CPNE4: variants seen among roughly 807,000 people sequenced by gnomAD.
CPNE4 encodes copine 4.
A neutral mutation model predicts 67.9 loss-of-function variants in CPNE4; 25 were observed. The observed-to-expected ratio is 0.37, with a 90% confidence interval of 0.27 to 0.51. The LOEUF (loss-of-function observed/expected upper bound fraction) is 0.51. CPNE4 is among the 20% of genes least tolerant of loss of function. The probability of loss-of-function intolerance (pLI) is 0.93; values close to 1 mark genes in which losing one functional copy is unlikely to be tolerated. For missense variants in CPNE4, 464 were observed against 690.8 expected (o/e 0.67, Z 3.68); for synonymous variants, 242 against 244.9 (o/e 0.99, Z 0.11).
chr3:131,676,517 C>T (rs2080572305), intron 6 of CPNE4, among the ~76,000 whole-genome samples: 1 of 152,044 alleles, frequency 6.6e-6, no homozygotes, highest in South Asian at 2.1e-4. Context: ...ATTTTTCCTA[C>T]TTCTCTCCCT....
At chr3:131,910,235 A>G (rs976516724) in intron 1 of CPNE4, among the ~76,000 whole-genome samples, 2 of 152,142 alleles carry the variant, frequency 1.3e-5, no homozygotes, top group African/African-American at 4.8e-5. Context: ...GTTCTGGGGA[A>G]GGGGGGAGAA....
chr3:131,727,623 A>T (rs1256404134), intron 2 of CPNE4, among the ~76,000 whole-genome samples: 1 of 152,236 alleles, frequency 6.6e-6, no homozygotes, highest in Non-Finnish European at 1.5e-5. Flanking sequence ...TTTAAAGTAT[A>T]TATCTATTTA....
In CPNE4 at chr3:131,975,888, T is replaced by C. The variant is rs527909735; in HGVS notation, c.-2+58679A>G. ...AGGATGACCATCACATCATGGCTTG[T>C]AACAGTGAAATAAACAAACATAATA... On this transcript the variant is annotated intron_variant, in intron 1 of 15. Transcript: ENST00000429747. Among the ~76,000 whole-genome samples the C allele has an allele frequency of 2.0e-5, 3 of 152,200 alleles. No homozygotes were observed. The East Asian group carries it at 5.8e-4, about 29-fold the overall frequency.
intron 1 of CPNE4, among the ~76,000 whole-genome samples, chr3:131,919,778 G>T (rs1286324635): frequency 3.3e-5 from 5 of 152,060 alleles, no homozygotes; most frequent in Non-Finnish European, 7.4e-5. Flanking sequence ...CTTACTAAAG[G>T]ACCAACACCC....
chr3:131,882,808 C>T (rs986881191), intron 2 of CPNE4, among the ~76,000 whole-genome samples: 9 of 150,772 alleles, frequency 6.0e-5, no homozygotes, highest in African/African-American at 2.4e-5. Flanking sequence ...GCTCTGCCTC[C>T]CGAGTTCACA....
intron 7 of CPNE4, among the ~76,000 whole-genome samples, chr3:131,652,124 C>T (rs768794948): frequency 1.6e-4 from 25 of 152,136 alleles, no homozygotes; most frequent in Admixed American, 5.9e-4. Context: ...AAATTAGGTG[C>T]GGCTGCTAAG....
chr3:131,700,054 CTTTTTT>C (rs3035263), intron 3 of CPNE4, 74 bp from the exon 4 acceptor site: 1,262 of 253,894 alleles, frequency 5.0e-3, no homozygotes, highest in Non-Finnish European at 6.2e-3. Flanking sequence ...TTTTTTAAAC[CTTTTTT>C]TTTTTTTTTT....
At chr3:131,769,892 T>G (rs2083121257) in intron 2 of CPNE4, among the ~76,000 whole-genome samples, 1 of 152,110 alleles carries the variant, frequency 6.6e-6, no homozygotes. Flanking sequence ...CTTATCTACA[T>G]TTTTTTGGCT....
chr3:132,001,528 G>A (rs755158593), intron 1 of CPNE4, among the ~76,000 whole-genome samples: 10 of 131,486 alleles, frequency 7.6e-5, no homozygotes, highest in Non-Finnish European at 1.6e-4. Flanking sequence ...GAGAGAGAGA[G>A]AGAAAGAAAG....
chr3:131,974,146 C>T (rs1201802129), intron 1 of CPNE4, among the ~76,000 whole-genome samples: 3 of 152,140 alleles, frequency 2.0e-5, no homozygotes, highest in Non-Finnish European at 2.9e-5. Context: ...AAAAGGGAAA[C>T]ACTCTTGCTT....
intron 2 of CPNE4, among the ~76,000 whole-genome samples, chr3:131,774,189 G>A (rs1386094160): frequency 6.6e-6 from 1 of 152,056 alleles, no homozygotes; most frequent in Non-Finnish European, 1.5e-5. Context: ...CCTACCCAGA[G>A]ATGAACCATG....
In CPNE4 at chr3:131,941,214, TA is replaced by T. The variant is rs1364216494; in HGVS notation, c.-1-35771del. ...ACAACCATTAATAATACTTAAACTA[TA>T]AAAGCTAAAAATTATATTAAGAACG... On this transcript the variant is annotated intron_variant, in intron 1 of 15. Transcript: ENST00000429747. 3.9e-5 allele frequency among the ~76,000 whole-genome samples: 6 copies of T among 152,166 alleles called. No homozygotes were observed. In the East Asian group the frequency reaches 1.2e-3, roughly 29 times the overall value.
At chr3:131,804,586 T>C (rs1213847201) in intron 2 of CPNE4, among the ~76,000 whole-genome samples, 1 of 152,216 alleles carries the variant, frequency 6.6e-6, no homozygotes, top group Non-Finnish European at 1.5e-5. Flanking sequence ...TCCTTTACAA[T>C]GTGACTTTCA....
chr3:131,843,455 AAAG>A (rs2085873335), intron 2 of CPNE4, among the ~76,000 whole-genome samples: 1 of 152,234 alleles, frequency 6.6e-6, no homozygotes, highest in Non-Finnish European at 1.5e-5. Flanking sequence ...AGCACATAGA[AAAG>A]AAGAGCGTTT....
chr3:131,632,875 G>T (rs2079267670), intron 7 of CPNE4, among the ~76,000 whole-genome samples: 1 of 152,128 alleles, frequency 6.6e-6, no homozygotes, highest in Admixed American at 6.5e-5. Flanking sequence ...CATCACTGAT[G>T]TCTACCCACT....
At position 131,923,977 on chromosome 3, in the gene CPNE4, A is replaced by T. The variant is rs141236108; in HGVS notation, c.-1-18533T>A. On this transcript the variant is annotated intron_variant, in intron 1 of 15. Transcript: ENST00000429747. ...TCTCTGAATCCAAAAGACCAAAGGGACCCTCCTGACTCTTACGTGGCCCAG... is the reference window on the plus strand; with the variant it reads ...TCTCTGAATCCAAAAGACCAAAGGGTCCCTCCTGACTCTTACGTGGCCCAG... 1.3e-4 allele frequency among the ~76,000 whole-genome samples: 20 copies of T among 151,866 alleles called. No homozygotes were observed. The East Asian group carries it at 3.5e-3, about 27-fold the overall frequency.
At chr3:131,807,560 C>T (rs112676560) in intron 2 of CPNE4, among the ~76,000 whole-genome samples, 1,730 of 152,002 alleles carry the variant, frequency 0.011, 31 homozygotes, top group African/African-American at 0.04. Flanking sequence ...TGTTAACCTC[C>T]ATGTAAACAT....
chr3:131,957,256 T>A (rs2107908536), intron 1 of CPNE4, among the ~76,000 whole-genome samples: 1 of 152,330 alleles, frequency 6.6e-6, no homozygotes, highest in South Asian at 2.1e-4. Context: ...AGGATAATAA[T>A]GTCTCCATGC....
chr3:131,589,137 G>C (rs72999243), intron 7 of CPNE4, among the ~76,000 whole-genome samples: 5 of 152,072 alleles, frequency 3.3e-5, no homozygotes, highest in Non-Finnish European at 7.4e-5. Flanking sequence ...GAATTGGCTC[G>C]CACAATTACA....
Sources: gnomAD v4.1 joint callset for allele counts (sites outside exome capture counted in the v4.1 genomes callset) on GRCh38, gnomAD v4.1.1 for gene constraint, MANE v1.5 for transcripts, NCBI Gene and HGNC (gene_info 2026-07-23, HGNC 2026-07-21) for gene names.